The following LPCAT3 variants were observed in gnomAD, a reference collection of about 807,000 sequenced individuals.
LPCAT3 encodes lysophospholipid acyltransferase 5.
A neutral mutation model predicts 63.4 loss-of-function variants in LPCAT3; 21 were observed. The observed-to-expected ratio is 0.33, with a 90% CI of 0.23 to 0.48. The LOEUF is 0.48. Ranked by LOEUF, LPCAT3 falls within the 20% of genes least tolerant of loss-of-function variation. LPCAT3 has a pLI of 0.99. For missense variants in LPCAT3, 451 were observed against 590.6 expected (o/e 0.76, Z 2.45); for synonymous variants, 242 against 227.5 (o/e 1.06, Z -0.58).
At chr12:7,005,409 A>G (rs782238159) in intron 1 of LPCAT3, among the ~76,000 whole-genome samples, 2 of 152,362 alleles carry the variant, frequency 1.3e-5, no homozygotes, top group East Asian at 3.9e-4. Flanking sequence ...ACATTTGTGT[A>G]CAAGTTTTTG....
chr12:6,985,219 G>A (rs1214111450), intron 1 of LPCAT3, among the ~76,000 whole-genome samples: 3 of 151,098 alleles, frequency 2.0e-5, no homozygotes, highest in African/African-American at 4.9e-5. Flanking sequence ...GTGAAACCCC[G>A]TCTCTACTAA....
intron 1 of LPCAT3, among the ~76,000 whole-genome samples, chr12:7,001,222 T>G (rs1591555103): frequency 7.6e-6 from 1 of 132,350 alleles, no homozygotes; most frequent in South Asian, 2.8e-4. Context: ...TCAGTTTCAC[T>G]CCCCTTCCAA....
chr12:6,988,199 T>A (rs1946547352), intron 1 of LPCAT3: 1 of 172,852 alleles, frequency 5.8e-6, no homozygotes, highest in African/African-American at 2.4e-5. Flanking sequence ...GTTGTTGAGT[T>A]CCAAACAGGT....
intron 1 of LPCAT3, among the ~76,000 whole-genome samples, chr12:6,986,058 A>G (rs1591549115): frequency 2.0e-5 from 3 of 151,518 alleles, no homozygotes; most frequent in Non-Finnish European, 4.4e-5. Flanking sequence ...TACAGGCGTG[A>G]GCCACCACGC....
At chr12:6,979,388 T>C in intron 7 of LPCAT3, 83 bp downstream of exon 7, 1 of 1,010,650 alleles carries the variant, frequency 9.9e-7, no homozygotes. Flanking sequence ...ATTTCCTACT[T>C]CTCTGCTATC....
At chr12:7,002,369 T>C (rs1946693877) in intron 1 of LPCAT3, among the ~76,000 whole-genome samples, 1 of 152,238 alleles carries the variant, frequency 6.6e-6, no homozygotes, top group Non-Finnish European at 1.5e-5. Flanking sequence ...AAAAGGTCCG[T>C]GCTCCTCTTC....
At chr12:6,979,365 A>T in intron 7 of LPCAT3, 106 bp downstream of exon 7, 2 of 816,214 alleles carry the variant, frequency 2.5e-6, no homozygotes, top group Non-Finnish European at 4.0e-6. Context: ...ACCAACATGC[A>T]CTTGTAGATG....
At chr12:7,015,626 A>G (rs1464740701) in intron 1 of LPCAT3, among the ~76,000 whole-genome samples, 1 of 152,246 alleles carries the variant, frequency 6.6e-6, no homozygotes, top group Admixed American at 6.5e-5. Flanking sequence ...TATACCTGAT[A>G]GGAGGCAAGT....
chr12:7,009,912 A>G (rs1946750546), intron 1 of LPCAT3, among the ~76,000 whole-genome samples: 1 of 152,228 alleles, frequency 6.6e-6, no homozygotes, highest in Admixed American at 6.5e-5. Context: ...ATGAAATATA[A>G]ATCTAAAAAT....
chr12:7,003,928 C>CAAAAAAAA (rs781922909), intron 1 of LPCAT3, among the ~76,000 whole-genome samples: 1 of 63,436 alleles, frequency 1.6e-5, no homozygotes, highest in Non-Finnish European at 3.3e-5. Flanking sequence ...GACTCCGTCT[C>CAAAAAAAA]AAAAAAAAAA....
chr12:7,012,950 C>G (rs1302129139), intron 1 of LPCAT3, among the ~76,000 whole-genome samples: 1 of 152,192 alleles, frequency 6.6e-6, no homozygotes, highest in Non-Finnish European at 1.5e-5. Context: ...TTCACCTATT[C>G]AAGTATTTAT....
chr12:6,978,109 G>A (rs781950080), intron 9 of LPCAT3: 2 of 575,214 alleles, frequency 3.5e-6, no homozygotes, highest in Non-Finnish European at 6.1e-6. Flanking sequence ...GGCAGAGCTG[G>A]AGTAACACCC....
intron 2 of LPCAT3, 58 bp downstream of exon 2, chr12:6,983,374 G>C: frequency 1.7e-6 from 2 of 1,206,220 alleles, no homozygotes; most frequent in Non-Finnish European, 2.4e-6. Flanking sequence ...TTTTGTTCAA[G>C]TCTGTTCCTT....
At chr12:6,997,993 G>A (rs1946653068) in intron 1 of LPCAT3, among the ~76,000 whole-genome samples, 1 of 151,964 alleles carries the variant, frequency 6.6e-6, no homozygotes, top group African/African-American at 2.4e-5. Context: ...CTCCTAAAGT[G>A]CTGGGCATAA....
intron 8 of LPCAT3, 23 bp downstream of exon 8, chr12:6,978,580 C>A: frequency 6.2e-7 from 1 of 1,613,914 alleles, no homozygotes; most frequent in South Asian, 1.1e-5. Flanking sequence ...TAAATAGGAC[C>A]TTGTTTCAAC....
At chr12:6,991,541 T>C (rs1160970585) in intron 1 of LPCAT3, among the ~76,000 whole-genome samples, 1 of 152,216 alleles carries the variant, frequency 6.6e-6, no homozygotes, top group Non-Finnish European at 1.5e-5. Flanking sequence ...CAGAAAAGTC[T>C]GTATATATTG....
chr12:6,992,779 T>C (rs191456003), intron 1 of LPCAT3, among the ~76,000 whole-genome samples: 190 of 152,334 alleles, frequency 1.2e-3, no homozygotes, highest in Admixed American at 0.01. Context: ...TACAGTTATC[T>C]CTTGGTGTCC....
intron 1 of LPCAT3, among the ~76,000 whole-genome samples, chr12:6,995,748 A>G (rs1946631065): frequency 6.6e-6 from 1 of 152,070 alleles, no homozygotes; most frequent in South Asian, 2.1e-4. Context: ...AGAAACCATC[A>G]ATAGCTCCCA....
At chr12:6,990,459 A>G (rs2138342199) in intron 1 of LPCAT3, among the ~76,000 whole-genome samples, 1 of 145,192 alleles carries the variant, frequency 6.9e-6, no homozygotes, top group South Asian at 2.2e-4. Context: ...CAGTGAGCCG[A>G]GATTGTGCCA....
Sources: gnomAD v4.1 joint callset for allele counts (sites outside exome capture counted in the v4.1 genomes callset) on GRCh38, gnomAD v4.1.1 for gene constraint, MANE v1.5 for transcripts, NCBI Gene and HGNC (gene_info 2026-07-23, HGNC 2026-07-21) for gene names.